ACTL8: variants seen among roughly 807,000 people sequenced by gnomAD.
ACTL8 encodes actin-like protein 8.
ACTL8 carries 3 observed loss-of-function variants against 9.3 expected under a neutral mutation model. That is an observed-to-expected ratio of 0.32 (90% CI 0.15 to 0.83). The LOEUF (loss-of-function observed/expected upper bound fraction) is 0.83. Ranked by LOEUF, ACTL8 falls within the 40% of genes least tolerant of loss-of-function variation. The pLI, the probability that ACTL8 is intolerant of heterozygous loss-of-function variation, is 0.57. For missense variants in ACTL8, 381 were observed against 492.2 expected (o/e 0.77, Z 2.14); for synonymous variants, 224 against 205.9 (o/e 1.09, Z -0.75).
rs767773975 is a variant in ACTL8, at chr1:17,826,238, C to T, written c.820C>T (p.Arg274Trp). 2.2e-5 allele frequency: 36 copies of T among 1,613,270 alleles called. No homozygotes were observed. The highest frequency in any genetic ancestry group is 3.0e-5 in the Non-Finnish European group (35 of 1,179,832). The change falls in exon 3 of 3, where the codon CGG becomes TGG. Residue 274 changes from arginine to tryptophan, a missense_variant. Transcript: ENST00000375406. The surrounding 1 kb of genome is among the most constrained non-coding windows in gnomAD (Gnocchi z 4.5). ...VFEQPGPSIP[R>W]AIVESVESCE... ...CGAGCAGCCGGGGCCCAGCATCCCA[C>T]GGGCCATTGTGGAATCCGTGGAGTC... is the stretch of plus-strand genomic sequence containing the variant.
chr1:17,784,137 T>C (rs959819548), intron 1 of ACTL8, among the ~76,000 whole-genome samples: 1 of 152,146 alleles, frequency 6.6e-6, no homozygotes, highest in African/African-American at 2.4e-5. Context: ...ACGGGAACCA[T>C]GGTTAGGGAG....
intron 1 of ACTL8, among the ~76,000 whole-genome samples, chr1:17,782,323 G>A (rs994582827): frequency 6.6e-6 from 1 of 152,176 alleles, no homozygotes; most frequent in African/African-American, 2.4e-5. Flanking sequence ...GATTACAAGA[G>A]AGAATACGGG....
chr1:17,806,331 C>A (rs1171724019), intron 1 of ACTL8, among the ~76,000 whole-genome samples: 1 of 152,200 alleles, frequency 6.6e-6, no homozygotes, highest in Admixed American at 6.5e-5. Context: ...TAAGAAGAGG[C>A]ATAATTAAAA....
At chr1:17,812,820 T>G (rs541025353) in intron 1 of ACTL8, among the ~76,000 whole-genome samples, 36 of 152,282 alleles carry the variant, frequency 2.4e-4, no homozygotes, top group Non-Finnish European at 4.9e-4. Flanking sequence ...TTCTTTGATT[T>G]ATTTCATCAG....
In ACTL8 at chr1:17,826,223, G is replaced by A. The variant is rs780827812; in HGVS notation, c.805G>A (p.Gly269Arg). ...FFSPQVFEQP[G>R]PSIPRAIVES... is the part of the protein sequence containing the mutation. ...TAGCCCGCAGGTGTTCGAGCAGCCG[G>A]GGCCCAGCATCCCACGGGCCATTGT... Residue 269 changes from glycine (G) to arginine (R), a missense_variant, in exon 3 of 3, where the codon GGG (glycine) becomes AGG (arginine). By Grantham distance (125) the Gly-to-Arg change is moderately radical (BLOSUM62 -2). Transcript: ENST00000375406. The surrounding 1 kb of genome is among the most constrained non-coding windows in gnomAD (Gnocchi z 4.5). The A allele has an allele frequency of 6.2e-6, 10 of 1,613,460 alleles. No individual in the cohort carries two copies. The African/African-American group carries it at 1.3e-4, about 21-fold the overall frequency.
intron 1 of ACTL8, among the ~76,000 whole-genome samples, chr1:17,809,290 A>G (rs1190371693): frequency 6.6e-6 from 1 of 152,132 alleles, no homozygotes; most frequent in Admixed American, 6.5e-5. Flanking sequence ...AAACTAGTCA[A>G]TGCAATATTG....
At chr1:17,771,054 T>G (rs2066079826) in intron 1 of ACTL8, among the ~76,000 whole-genome samples, 1 of 152,190 alleles carries the variant, frequency 6.6e-6, no homozygotes, top group African/African-American at 2.4e-5. Context: ...ATGATACTTG[T>G]AAAGCGTATA....
intron 1 of ACTL8, among the ~76,000 whole-genome samples, chr1:17,787,572 C>A (rs2066206777): frequency 6.6e-6 from 1 of 152,162 alleles, no homozygotes; most frequent in Non-Finnish European, 1.5e-5. Context: ...CGCCAGGCCT[C>A]TAGTGCATTC....
chr1:17,823,425 G>A lies in ACTL8; in HGVS notation c.348+69G>A. 1 of 1,424,126 alleles carries A rather than the reference G, an allele frequency of 7.0e-7. No homozygotes were observed. The highest frequency in any genetic ancestry group is 1.3e-5 in the South Asian group (1 of 74,720). 88.2% of individuals were successfully genotyped at this position (1,424,126 alleles called of 1,614,324 possible). ...GACTGACACTATGTCTGGACTGATTGGGCACCAGGAATTCTGCTTTTTAAG... is the reference window on the plus strand; with the variant it reads ...GACTGACACTATGTCTGGACTGATTAGGCACCAGGAATTCTGCTTTTTAAG... On this transcript the variant is annotated intron_variant, in intron 2 of 2. Transcript: ENST00000375406. The surrounding 1 kb of genome is among the most constrained non-coding windows in gnomAD (Gnocchi z 5.3).
At chr1:17,761,975 G>A (rs1234905783) in intron 1 of ACTL8, among the ~76,000 whole-genome samples, 2 of 151,818 alleles carry the variant, frequency 1.3e-5, no homozygotes, top group Non-Finnish European at 2.9e-5. Flanking sequence ...GGGGGTCCAT[G>A]CGCTCACCTG....
At chr1:17,811,593 A>G (rs944451394) in intron 1 of ACTL8, among the ~76,000 whole-genome samples, 2 of 152,156 alleles carry the variant, frequency 1.3e-5, no homozygotes, top group African/African-American at 2.4e-5. Flanking sequence ...TCTGTTTTAT[A>G]TCTATATTTT....
intron 1 of ACTL8, among the ~76,000 whole-genome samples, chr1:17,816,200 C>CTTTT (rs34383884): frequency 7.2e-6 from 1 of 139,616 alleles, no homozygotes; most frequent in African/African-American, 2.7e-5. Context: ...ATATTAATAG[C>CTTTT]TTTTTTTTTT....
chr1:17,784,108 TCA>T (rs1450319259), intron 1 of ACTL8, among the ~76,000 whole-genome samples: 15 of 152,234 alleles, frequency 9.9e-5, no homozygotes, highest in African/African-American at 3.4e-4. Context: ...TTTAATTGAC[TCA>T]CAGTTCTGGA....
chr1:17,808,957 G>T (rs1358051051), intron 1 of ACTL8, among the ~76,000 whole-genome samples: 1 of 152,198 alleles, frequency 6.6e-6, no homozygotes, highest in African/African-American at 2.4e-5. Context: ...TCATCTTGTT[G>T]GCAGTGGGAG....
At chr1:17,814,955 T>C (rs1350664338) in intron 1 of ACTL8, among the ~76,000 whole-genome samples, 1 of 151,950 alleles carries the variant, frequency 6.6e-6, no homozygotes, top group Non-Finnish European at 1.5e-5. Context: ...CTACCAACAG[T>C]ACGTACTATT....
intron 1 of ACTL8, among the ~76,000 whole-genome samples, chr1:17,788,083 G>A (rs145580644): frequency 1.3e-3 from 195 of 152,280 alleles, no homozygotes; most frequent in African/African-American, 4.5e-3. Flanking sequence ...TCATTTCCCC[G>A]TTGGGTCCTC....
At chr1:17,807,589 C>T (rs1341393140) in intron 1 of ACTL8, among the ~76,000 whole-genome samples, 1 of 152,102 alleles carries the variant, frequency 6.6e-6, no homozygotes, top group Non-Finnish European at 1.5e-5. Flanking sequence ...GACTTGGAAC[C>T]AACCCAAATG....
chr1:17,812,710 C>G (rs754815059), intron 1 of ACTL8, among the ~76,000 whole-genome samples: 3 of 151,118 alleles, frequency 2.0e-5, no homozygotes, highest in African/African-American at 4.9e-5. Flanking sequence ...CCAGGCTGGT[C>G]GTGAACTCCT....
chr1:17,780,752 TG>T lies in ACTL8; in HGVS notation c.-25+25253del, dbSNP rs2066149033. On this transcript the variant is annotated intron_variant, in intron 1 of 2. Coordinates refer to ENST00000375406, the MANE Select transcript of ACTL8 (RefSeq NM_030812.3). ...CAGGGGTGGGAGTGTGTTTTGGGGGTGGGGGTGGGGAGGATAAACCCAATTT... is the reference window on the plus strand; with the variant it reads ...CAGGGGTGGGAGTGTGTTTTGGGGGTGGGGTGGGGAGGATAAACCCAATTT... 4.8e-4 allele frequency among the ~76,000 whole-genome samples: 5 copies of T among 10,384 alleles called. No individual in the cohort carries two copies. The South Asian group carries it at 0.015, about 32-fold the overall frequency. 6.8% of individuals were successfully genotyped at this position (10,384 alleles called of 152,430 possible).
Sources: gnomAD v4.1 joint callset for allele counts (sites outside exome capture counted in the v4.1 genomes callset) on GRCh38, gnomAD v4.1.1 for gene constraint, Gnocchi (gnomAD v3.1) non-coding constraint, MANE v1.5 for transcripts, NCBI Gene and HGNC (gene_info 2026-07-23, HGNC 2026-07-21) for gene names.